The following FMNL1 variants were observed in gnomAD, a reference collection of about 807,000 sequenced individuals.
The protein encoded by FMNL1 is formin-like protein 1.
A neutral mutation model predicts 121.3 loss-of-function variants in FMNL1; 43 were observed. That is an observed-to-expected ratio of 0.35 (90% confidence interval 0.28 to 0.46). FMNL1 has a LOEUF of 0.46. Ranked by LOEUF, FMNL1 falls within the 20% of genes least tolerant of loss-of-function variation. The probability of loss-of-function intolerance (pLI) is 1.00; values close to 1 mark genes in which losing one functional copy is unlikely to be tolerated. For synonymous variants in FMNL1, 613 were observed against 613.5 expected, an observed-to-expected ratio of 1.00 and a Z score of 0.01; for missense variants, 1,191 against 1,482.4, an observed-to-expected ratio of 0.80 and a Z score of 3.23.
At chr17:45,228,116 G>A (rs1001668795) in intron 1 of FMNL1, among the ~76,000 whole-genome samples, 3 of 152,160 alleles carry the variant, frequency 2.0e-5, no homozygotes, top group African/African-American at 7.2e-5. Flanking sequence ...TTTTCAGGGT[G>A]GCCTCACTCC....
chr17:45,226,894 G>C (rs2043339848), intron 1 of FMNL1, among the ~76,000 whole-genome samples: 1 of 152,114 alleles, frequency 6.6e-6, no homozygotes, highest in African/African-American at 2.4e-5. Context: ...CTGATCCTGG[G>C]GCTGGGTCTC....
chr17:45,222,872 C>T (rs1358228402), intron 1 of FMNL1, among the ~76,000 whole-genome samples: 1 of 145,334 alleles, frequency 6.9e-6, no homozygotes, highest in Non-Finnish European at 1.5e-5. Flanking sequence ...GGGGTCAGGA[C>T]GGGTGGGTCG....
At position 45,233,516 on chromosome 17, in the gene FMNL1, CA is replaced by C; in HGVS notation, c.402-131del. The C allele has an allele frequency of 8.9e-7, 1 of 1,123,560 alleles. No individual in the cohort carries two copies. Among genetic ancestry groups the C allele is most frequent in the South Asian group, 1.5e-5 (1 of 67,896 alleles). 69.6% of individuals were successfully genotyped at this position (1,123,560 alleles called of 1,614,324 possible). On this transcript the variant is annotated intron_variant, in intron 4 of 26. Coordinates refer to ENST00000331495, the MANE Select transcript of FMNL1 (RefSeq NM_005892.4). This position sits in a 1 kb window ranked among gnomAD's most constrained non-coding sequence, Gnocchi z 4.1. ...GGCTGTGGGACCCACCTGAGTCTCC[CA>C]GAATCCTTTGGTATCATTGGGTCTT...
At position 45,244,255 on chromosome 17, in the gene FMNL1, A is replaced by G. The variant is rs1200699743; in HGVS notation, c.2517+11A>G. ...CGCCAGATCCTGGAGGTGAGGGGCC[A>G]GGAGGTGGGGCCCACCCTTGCCTGT... On this transcript the variant is annotated intron_variant, in intron 19 of 26. Transcript: ENST00000331495. 53 of 1,607,062 alleles carry G rather than the reference A, an allele frequency of 3.3e-5. No individual in the cohort carries two copies. The highest frequency in any genetic ancestry group is 4.3e-5 in the Non-Finnish European group (51 of 1,176,844).
intron 10 of FMNL1, 93 bp downstream of exon 10, chr17:45,238,731 G>A: frequency 6.6e-7 from 1 of 1,503,998 alleles, no homozygotes; most frequent in Non-Finnish European, 9.2e-7. Flanking sequence ...AATGGGCTCT[G>A]CCCCCGCAAA....
Position 45,241,580 on chromosome 17 carries a change from C to T in FMNL1, c.1531C>T (p.Pro511Ser). ...IEILPVAVAT[P>S]SGGDAPTPGV... ...GATCCTCCCCGTCGCTGTGGCAACTCCGAGCGGCGGTGATGCTCCGACTCC... is the reference window on the plus strand; with the variant it reads ...GATCCTCCCCGTCGCTGTGGCAACTTCGAGCGGCGGTGATGCTCCGACTCC... Residue 511 changes from proline to serine, a missense_variant, in exon 14 of 27, where the codon CCG becomes TCG. Around this residue, in one of 4 missense-constraint regions of FMNL1, gnomAD observed 519 missense variants for 492.8 expected, o/e 1.05. Transcript: ENST00000331495. The surrounding 1 kb of genome is among the most constrained non-coding windows in gnomAD (Gnocchi z 7.0). The T allele has an allele frequency of 6.4e-7, 1 of 1,562,776 alleles. No homozygotes were observed. The highest frequency in any genetic ancestry group is 8.7e-7 in the Non-Finnish European group (1 of 1,153,206).
In FMNL1 at chr17:45,244,957, C is replaced by T. The variant is rs545135778; in HGVS notation, c.2599-22C>T. On this transcript the variant is annotated intron_variant, in intron 20 of 26. Transcript: ENST00000331495. ...CTGGGGACTGGCTGGTGGCCTGTGG[C>T]TTACAATGGGTCCTTGTGCAGCTGT... 838 of 1,611,750 alleles carry T rather than the reference C, an allele frequency of 5.2e-4. 12 individuals are homozygous for T. In the South Asian group the frequency reaches 8.6e-3, roughly 17 times the overall value.
chr17:45,229,114 G>A (rs1039805350), intron 1 of FMNL1, among the ~76,000 whole-genome samples: 3 of 152,198 alleles, frequency 2.0e-5, no homozygotes, highest in Non-Finnish European at 2.9e-5. Context: ...GGGGGAGGGC[G>A]GCTGATGAGA....
chr17:45,240,991 G>A, intron 12 of FMNL1, 138 bp from the exon 13 acceptor site: 1 of 1,089,612 alleles, frequency 9.2e-7, no homozygotes, highest in South Asian at 1.4e-5. Flanking sequence ...GCCAGGCTCG[G>A]CCCACCCTTG....
At chr17:45,239,222 CTCAG>C in intron 11 of FMNL1, 157 bp downstream of exon 11, 1 of 628,700 alleles carries the variant, frequency 1.6e-6, no homozygotes, top group Non-Finnish European at 2.9e-6. Flanking sequence ...CTTCCTCTCT[CTCAG>C]TGTCAGTTTT....
chr17:45,237,954 C>T lies in FMNL1; in HGVS notation c.894+315C>T, dbSNP rs2043588835. ...TTCATACCTCCAGGAGTTGCGGACT[C>T]TGGCTAACAGGCTTGCAAGAAGTAG... is the stretch of plus-strand genomic sequence containing the variant. On this transcript the variant is annotated intron_variant, in intron 9 of 26. Coordinates refer to ENST00000331495, the MANE Select transcript of FMNL1 (RefSeq NM_005892.4). This position sits in a 1 kb window ranked among gnomAD's most constrained non-coding sequence, Gnocchi z 4.4. 1 of 307,842 alleles carries T rather than the reference C, an allele frequency of 3.2e-6. No individual in the cohort carries two copies. The highest frequency in any genetic ancestry group is 6.2e-6 in the Non-Finnish European group (1 of 161,184). 19.1% of individuals were successfully genotyped at this position (307,842 alleles called of 1,614,324 possible). A position where few individuals can be genotyped will look rare whatever the true frequency, so the allele number is the denominator to read the frequency against.
Position 45,245,282 on chromosome 17 carries a change from C to T in FMNL1, c.2758C>T (p.Arg920Cys), listed in dbSNP as rs1378125033. 19 of 1,614,038 alleles carry T rather than the reference C, an allele frequency of 1.2e-5. No individual in the cohort carries two copies. Among genetic ancestry groups the T allele is most frequent in the Admixed American group, 5.0e-5 (3 of 60,004 alleles). The change falls in exon 22 of 27, where the codon CGC becomes TGC. Residue 920 changes from arginine (R) to cysteine (C), a missense_variant. Physicochemically the swap from Arg to Cys is radical, Grantham distance 180. Transcript: ENST00000331495. ...CCTGGACAGTGTCCTGGCGGACGTG[C>T]GCTCCCTGCAGCGAGGCCTAGAGTT... ...VSLDSVLADV[R>C]SLQRGLELTQ... is the part of the protein sequence containing the mutation.
chr17:45,244,769 G>A lies in FMNL1; in HGVS notation c.2518-50G>A, dbSNP rs759973449. On this transcript the variant is annotated intron_variant, in intron 19 of 26. Transcript: ENST00000331495. ...TCCTCCTTGTGCAATATGCTTAAGCGGTGTCCTCAGCTCTGGCATTCTGCT... is the reference window on the plus strand; with the variant it reads ...TCCTCCTTGTGCAATATGCTTAAGCAGTGTCCTCAGCTCTGGCATTCTGCT... 21 of 1,563,530 alleles carry A rather than the reference G, an allele frequency of 1.3e-5. No homozygotes were observed. In the South Asian group the frequency reaches 2.4e-4, roughly 18 times the overall value.
In FMNL1 at chr17:45,237,927, G is replaced by T; in HGVS notation, c.894+288G>T. 2.8e-6 allele frequency: 1 copy of T among 363,184 alleles called. No individual in the cohort carries two copies. The highest frequency in any genetic ancestry group is 5.7e-5 in the East Asian group (1 of 17,556). The allele number at this position is 363,184 out of a possible 1,614,324, so 22.5% of individuals were successfully genotyped here. On this transcript the variant is annotated intron_variant, in intron 9 of 26. Coordinates refer to ENST00000331495, the MANE Select transcript of FMNL1 (RefSeq NM_005892.4). The surrounding 1 kb of genome is among the most constrained non-coding windows in gnomAD (Gnocchi z 4.4). ...GCCTTGCCAGATCCAAACTAGCCTT[G>T]GTTCATACCTCCAGGAGTTGCGGAC...
At chr17:45,236,301 G>A (rs1022811185) in intron 7 of FMNL1, 57 bp downstream of exon 7, 3 of 1,425,816 alleles carry the variant, frequency 2.1e-6, no homozygotes, top group African/African-American at 2.8e-5. Flanking sequence ...CTCACTGGGG[G>A]CTACACAAGC....
intron 2 of FMNL1, 85 bp downstream of exon 2, chr17:45,230,772 C>T (rs995944159): frequency 4.3e-6 from 6 of 1,383,592 alleles, no homozygotes; most frequent in African/African-American, 1.4e-5. Context: ...GGGAGAGGGG[C>T]ACCGCCATAC....
Position 45,240,645 on chromosome 17 carries a change from C to T in FMNL1, c.1230+20C>T, listed in dbSNP as rs761702712. ...GCGCTGGTGAGAGTGGGTCCTGACC[C>T]CAGCCCAGCACATCATAGGCCCACA... On this transcript the variant is annotated intron_variant, in intron 12 of 26. Transcript: ENST00000331495. The T allele has an allele frequency of 6.2e-7, 1 of 1,608,540 alleles. No individual in the cohort carries two copies. Among genetic ancestry groups the T allele is most frequent in the South Asian group, 1.1e-5 (1 of 90,484 alleles).
At chr17:45,246,383 T>G (rs777868640) in intron 25 of FMNL1, 53 bp downstream of exon 25, 43 of 1,613,946 alleles carry the variant, frequency 2.7e-5, no homozygotes, top group Non-Finnish European at 3.6e-5. Context: ...TTCTATGCTT[T>G]CTTCTGACCC....
Position 45,240,505 on chromosome 17 carries a change from G to A in FMNL1, c.1110G>A (p.Leu370=). ...TTCGGCTCACCGAGAGTGACAAGCT[G>A]CAGGTGCAGATCCAGGCGTACCTGG... The part of the protein sequence containing the change: ...ERLRLTESDK[L]QVQIQAYLDN... Residue 370 remains leucine (L), a synonymous_variant, in exon 12 of 27, where the codon CTG becomes CTA. Transcript: ENST00000331495. The A allele has an allele frequency of 3.1e-6, 5 of 1,613,688 alleles. No individual in the cohort carries two copies. Among genetic ancestry groups the A allele is most frequent in the Non-Finnish European group, 4.2e-6 (5 of 1,179,836 alleles).
Sources: gnomAD v4.1 joint callset for allele counts (sites outside exome capture counted in the v4.1 genomes callset) on GRCh38, gnomAD v4.1.1 for gene constraint, gnomAD v4.1.1 regional missense constraint, Gnocchi (gnomAD v3.1) non-coding constraint, MANE v1.5 for transcripts, NCBI Gene and HGNC (gene_info 2026-07-23, HGNC 2026-07-21) for gene names.